The following PCED1B variants were observed in gnomAD, a reference collection of about 807,000 sequenced individuals.
PCED1B encodes PC-esterase domain containing 1B, also known as PC-esterase domain-containing protein 1B.
For synonymous variants in PCED1B, 251 were observed against 246.1 expected, an observed-to-expected ratio of 1.02 and a Z score of -0.19; for missense variants, 573 against 573.9, an observed-to-expected ratio of 1.00 and a Z score of 0.02.
chr12:47,087,991 A>G (rs1434437035), intron 1 of PCED1B, among the ~76,000 whole-genome samples: 2 of 152,200 alleles, frequency 1.3e-5, no homozygotes, highest in Non-Finnish European at 2.9e-5. Context: ...TTTGTTCCAG[A>G]ACATCCATTT....
chr12:47,082,677 G>A (rs1385908902), intron 1 of PCED1B, among the ~76,000 whole-genome samples: 2 of 152,082 alleles, frequency 1.3e-5, no homozygotes, highest in East Asian at 3.9e-4. Flanking sequence ...ACAGCCCTGT[G>A]ACATTATATA....
chr12:47,232,881 G>C (rs1332563381), intron 3 of PCED1B, among the ~76,000 whole-genome samples: 1 of 151,686 alleles, frequency 6.6e-6, no homozygotes, highest in African/African-American at 2.4e-5. Flanking sequence ...TTGTGTGTGT[G>C]TTGCCAAGAT....
rs566742068 is a variant in PCED1B at position 47,231,350 on chromosome 12, G to T, written c.-57-3657G>T. 6.3e-4 allele frequency among the ~76,000 whole-genome samples: 96 copies of T among 152,298 alleles called. 1 individual carries two copies. The highest frequency in any genetic ancestry group is 2.2e-3 in the African/African-American group (90 of 41,568). Reference sequence around the variant, plus strand: ...TGTGAAGAAATGACAGGACAAAGGGGTATAAGCTGGGGGTAGTAAATTCCA... The same window carrying T: ...TGTGAAGAAATGACAGGACAAAGGGTTATAAGCTGGGGGTAGTAAATTCCA... On this transcript the variant is annotated intron_variant, in intron 3 of 3. Coordinates refer to ENST00000546455, the MANE Select transcript of PCED1B (RefSeq NM_138371.3).
At chr12:47,134,594 G>A (rs1940271340) in intron 2 of PCED1B, among the ~76,000 whole-genome samples, 1 of 152,206 alleles carries the variant, frequency 6.6e-6, no homozygotes, top group South Asian at 2.1e-4. Flanking sequence ...CTTAGGTCTG[G>A]TGCAGTGGCT....
At chr12:47,234,945 C>T (rs1943924242) in intron 3 of PCED1B, 62 bp from the exon 4 acceptor site, 4 of 919,214 alleles carry the variant, frequency 4.4e-6, no homozygotes, top group Non-Finnish European at 6.2e-6. Context: ...CTACCCCCAA[C>T]CTGCACTGGG....
chr12:47,163,175 T>C (rs957988488), intron 2 of PCED1B, among the ~76,000 whole-genome samples: 7 of 152,244 alleles, frequency 4.6e-5, no homozygotes, highest in East Asian at 1.9e-4. Context: ...TTAATTCTTT[T>C]TGATGCTATG....
rs143995933 is a variant in PCED1B, at chr12:47,236,143, C to T, written c.1080C>T (p.Pro360=). ...SDQFYCHSDV[P]SSAHAGFFVE... ...AATTCTATTGCCATTCAGATGTCCC[C>T]TCATCAGCCCATGCAGGTTTCTTCG... The change falls in exon 4 of 4, where the codon CCC becomes CCT. Residue 360 remains proline, a synonymous_variant. Transcript: ENST00000546455. 358 of 1,614,180 alleles carry T rather than the reference C, an allele frequency of 2.2e-4. No individual in the cohort carries two copies. Among genetic ancestry groups the T allele is most frequent in the Admixed American group, 1.2e-3 (73 of 60,020 alleles).
Position 47,236,513 on chromosome 12 carries a change from A to C in PCED1B, c.*151A>C. Reference sequence around the variant, plus strand: ...TTTTGTTCATTGCTGTTACCAAGAAAGCCAAGGAAGAGCAGCCTGACTCAT... The same window carrying C: ...TTTTGTTCATTGCTGTTACCAAGAACGCCAAGGAAGAGCAGCCTGACTCAT... On this transcript the variant is annotated 3_prime_UTR_variant, in exon 4 of 4. Transcript: ENST00000546455. 1 of 806,300 alleles carries C rather than the reference A, an allele frequency of 1.2e-6. No homozygotes were observed. The highest frequency in any genetic ancestry group is 2.9e-5 in the East Asian group (1 of 34,658). The allele number at this position is 806,300 out of a possible 1,614,324, so 49.9% of individuals were successfully genotyped here.
At chr12:47,234,985 C>A in intron 3 of PCED1B, 22 bp from the exon 4 acceptor site, 1 of 1,366,820 alleles carries the variant, frequency 7.3e-7, no homozygotes, top group Non-Finnish European at 9.9e-7. Flanking sequence ...TCCCTCCCAG[C>A]CCTTCTCTCC....
chr12:47,194,000 A>G (rs1267309034), intron 2 of PCED1B, among the ~76,000 whole-genome samples: 1 of 152,128 alleles, frequency 6.6e-6, no homozygotes, highest in Admixed American at 6.5e-5. Context: ...TAAATACCAC[A>G]TGCTCTTGCT....
At chr12:47,168,409 CTT>C (rs954745593) in intron 2 of PCED1B, among the ~76,000 whole-genome samples, 4 of 152,112 alleles carry the variant, frequency 2.6e-5, no homozygotes, top group Non-Finnish European at 5.9e-5. Flanking sequence ...TTGTCTCTCT[CTT>C]ATTTCTTATC....
At chr12:47,170,012 T>C (rs956586623) in intron 2 of PCED1B, among the ~76,000 whole-genome samples, 5 of 150,236 alleles carry the variant, frequency 3.3e-5, no homozygotes, top group African/African-American at 1.2e-4. Flanking sequence ...TGAACAAGGG[T>C]CTCTGGTTTT....
intron 2 of PCED1B, among the ~76,000 whole-genome samples, chr12:47,169,220 A>G (rs1941639258): frequency 6.6e-6 from 1 of 152,234 alleles, no homozygotes; most frequent in Non-Finnish European, 1.5e-5. Context: ...GATAGGGCAG[A>G]GAGGGTTTGA....
chr12:47,121,014 C>A (rs1471350513), intron 2 of PCED1B, among the ~76,000 whole-genome samples: 1 of 152,012 alleles, frequency 6.6e-6, no homozygotes, highest in Non-Finnish European at 1.5e-5. Context: ...AGAAAAGGGA[C>A]ATAGCTAAAG....
At chr12:47,171,229 G>A (rs576195243) in intron 2 of PCED1B, among the ~76,000 whole-genome samples, 32 of 151,796 alleles carry the variant, frequency 2.1e-4, no homozygotes, top group African/African-American at 3.1e-4. Context: ...CACCACGCCC[G>A]GCTAATTTTG....
intron 2 of PCED1B, among the ~76,000 whole-genome samples, chr12:47,130,488 G>A (rs117022134): frequency 0.03 from 4,530 of 152,094 alleles, 181 homozygotes; most frequent in African/African-American, 0.087. Context: ...ACCAGCCTGG[G>A]CAACATAGTG....
chr12:47,200,029 A>G (rs1942717187), intron 2 of PCED1B, among the ~76,000 whole-genome samples: 1 of 150,202 alleles, frequency 6.7e-6, no homozygotes, highest in South Asian at 2.1e-4. Context: ...CCACATCACT[A>G]CAATACAAAA....
chr12:47,141,925 C>A (rs543223067), intron 2 of PCED1B, among the ~76,000 whole-genome samples: 1 of 152,270 alleles, frequency 6.6e-6, no homozygotes, highest in Non-Finnish European at 1.5e-5. Flanking sequence ...TCATCCATGA[C>A]CCAGGAGGCA....
At chr12:47,124,670 A>G (rs191279964) in intron 2 of PCED1B, among the ~76,000 whole-genome samples, 11 of 152,132 alleles carry the variant, frequency 7.2e-5, no homozygotes, top group Admixed American at 2.6e-4. Flanking sequence ...CAGTTGCTCA[A>G]CATGCTAACC....
Sources: allele counts gnomAD v4.1 joint callset (sites outside exome capture counted in the v4.1 genomes callset), GRCh38; gene constraint gnomAD v4.1.1; transcripts MANE v1.5; gene names NCBI Gene and HGNC (gene_info 2026-07-23, HGNC 2026-07-21).